The following OSBPL5 variants were observed in gnomAD, a reference collection of about 807,000 sequenced individuals.
OSBPL5 encodes oxysterol binding protein like 5, also known as oxysterol-binding protein-related protein 5.
OSBPL5 carries 71 observed loss-of-function variants against 111.2 expected under a neutral mutation model. The observed-to-expected ratio is 0.64, with a 90% CI of 0.53 to 0.78. OSBPL5 has a LOEUF of 0.78. Among genes scored for constraint, OSBPL5 ranks in the 30% least tolerant of loss-of-function variants. The pLI is 0.00. For synonymous variants in OSBPL5, 549 were observed against 513.9 expected (o/e 1.07, Z -0.93); for missense variants, 1,210 against 1,189.3 (o/e 1.02, Z -0.26).
rs558977841 is a variant in OSBPL5, at chr11:3,092,628, T to C, written c.2133-70A>G. 3 of 1,478,120 alleles carry C rather than the reference T, an allele frequency of 2.0e-6. No homozygotes were observed. Among genetic ancestry groups the C allele is most frequent in the Non-Finnish European group, 2.7e-6 (3 of 1,103,738 alleles). The allele number at this position is 1,478,120 out of a possible 1,614,324, so 91.6% of individuals were successfully genotyped here. A position where few individuals can be genotyped will look rare whatever the true frequency, so the allele number is the denominator to read the frequency against. On this transcript the variant is annotated intron_variant, in intron 18 of 21. Coordinates refer to ENST00000263650, the MANE Select transcript of OSBPL5 (RefSeq NM_020896.4). The surrounding 1 kb of genome is among the most constrained non-coding windows in gnomAD (Gnocchi z 5.4). ...AGGTGAGGGGGCTGTCCTGGCCCAG[T>C]CTTCAGCCCCCCAACAGTGGCCAGA...
intron 1 of OSBPL5, among the ~76,000 whole-genome samples, chr11:3,132,138 C>T (rs1845831826): frequency 6.6e-6 from 1 of 151,990 alleles, no homozygotes; most frequent in Admixed American, 6.6e-5. Flanking sequence ...TTCCCATTCA[C>T]CTCACACTCA....
intron 1 of OSBPL5, among the ~76,000 whole-genome samples, chr11:3,132,279 C>T (rs1845834675): frequency 6.6e-6 from 1 of 152,038 alleles, no homozygotes; most frequent in African/African-American, 2.4e-5. Flanking sequence ...GACCAGTGTC[C>T]AGTGCCCCGG....
intron 1 of OSBPL5, among the ~76,000 whole-genome samples, chr11:3,133,279 G>C (rs1279749246): frequency 6.6e-6 from 1 of 152,252 alleles, no homozygotes; most frequent in Non-Finnish European, 1.5e-5. Context: ...CACAGCCCCT[G>C]ATGGGAACCC....
At chr11:3,094,834 T>C (rs10160821) in intron 14 of OSBPL5, 3,469 of 153,528 alleles carry the variant, frequency 0.023, 143 homozygotes, top group African/African-American at 0.079. Flanking sequence ...GCACCCATGA[T>C]GGCATCCCGT....
chr11:3,151,123 G>A (rs192419355), intron 1 of OSBPL5, among the ~76,000 whole-genome samples: 25 of 152,280 alleles, frequency 1.6e-4, no homozygotes, highest in African/African-American at 5.3e-4. Context: ...AGACAGAGGC[G>A]GAGATCGGAG....
chr11:3,153,178 AGCCCCAGT>A (rs1846645439), intron 1 of OSBPL5, among the ~76,000 whole-genome samples: 1 of 152,118 alleles, frequency 6.6e-6, no homozygotes, highest in Non-Finnish European at 1.5e-5. Flanking sequence ...CACCTCTCCG[AGCCCCAGT>A]GTCCCCACCT....
intron 1 of OSBPL5, among the ~76,000 whole-genome samples, chr11:3,149,007 T>C (rs777660110): frequency 2.0e-5 from 3 of 152,174 alleles, no homozygotes; most frequent in Non-Finnish European, 4.4e-5. Context: ...CCAGAGAGCA[T>C]GGACCCCCAG....
rs565150574 is a variant in OSBPL5 at position 3,154,210 on chromosome 11, GC to G, written c.-22+11005del. Among the ~76,000 whole-genome samples, 97 of 152,370 alleles carry G rather than the reference GC, an allele frequency of 6.4e-4. No individual in the cohort carries two copies. Among genetic ancestry groups the G allele is most frequent in the African/African-American group, 2.3e-3 (94 of 41,590 alleles). ...GTGAAGGGGCGGCTGACACACTCCA[GC>G]CCACAGATCCTGGCCCAGGATGCTG... On this transcript the variant is annotated intron_variant, in intron 1 of 21. Coordinates refer to ENST00000263650, the MANE Select transcript of OSBPL5 (RefSeq NM_020896.4). The surrounding 1 kb of genome is among the most constrained non-coding windows in gnomAD (Gnocchi z 4.9).
chr11:3,100,775 T>C (rs569211475), intron 13 of OSBPL5, among the ~76,000 whole-genome samples: 3 of 152,050 alleles, frequency 2.0e-5, no homozygotes, highest in South Asian at 4.2e-4. Context: ...ATGAAACTGA[T>C]GAAAAAGGTA....
chr11:3,114,854 G>A (rs1357582513), intron 7 of OSBPL5, among the ~76,000 whole-genome samples: 1 of 151,850 alleles, frequency 6.6e-6, no homozygotes, highest in Non-Finnish European at 1.5e-5. Context: ...TCCTGCCTCG[G>A]CCTCCCAAAA....
At chr11:3,135,121 A>C (rs975300381) in intron 1 of OSBPL5, among the ~76,000 whole-genome samples, 12 of 152,142 alleles carry the variant, frequency 7.9e-5, no homozygotes, top group African/African-American at 2.9e-4. Context: ...GGAGCAGCTG[A>C]CCGCCCCCGT....
intron 6 of OSBPL5, 187 bp from the exon 7 acceptor site, chr11:3,119,818 G>T (rs1858340988): frequency 1.8e-6 from 1 of 542,604 alleles, no homozygotes; most frequent in East Asian, 3.4e-5. Flanking sequence ...GGTAGGTGGG[G>T]GAGCTCTGTC....
At position 3,154,433 on chromosome 11, in the gene OSBPL5, G is replaced by A. The variant is rs999867987; in HGVS notation, c.-22+10783C>T. ...GAAGGGTGAGCATGCGCCTGCTGAC[G>A]CTTCGTTCACCAAGCGGGGGGCCTC... On this transcript the variant is annotated intron_variant, in intron 1 of 21. Transcript: ENST00000263650. This position sits in a 1 kb window ranked among gnomAD's most constrained non-coding sequence, Gnocchi z 4.9. Among the ~76,000 whole-genome samples, 10 of 152,248 alleles carry A rather than the reference G, an allele frequency of 6.6e-5. No individual in the cohort carries two copies. The highest frequency in any genetic ancestry group is 1.9e-4 in the East Asian group (1 of 5,188).
At chr11:3,155,739 A>G (rs1448628301) in intron 1 of OSBPL5, among the ~76,000 whole-genome samples, 1 of 152,240 alleles carries the variant, frequency 6.6e-6, no homozygotes, top group Admixed American at 6.5e-5. Flanking sequence ...CTACGCCGAC[A>G]GTTCACTTCC....
chr11:3,102,314 G>A, intron 11 of OSBPL5, 33 bp from the exon 12 acceptor site: 1 of 1,562,452 alleles, frequency 6.4e-7, no homozygotes. Flanking sequence ...TGAGGAGCCA[G>A]GTGGGTAAGA....
intron 11 of OSBPL5, among the ~76,000 whole-genome samples, chr11:3,103,030 G>A (rs1264129133): frequency 6.6e-6 from 1 of 152,178 alleles, no homozygotes; most frequent in Non-Finnish European, 1.5e-5. Flanking sequence ...TGGGGACCCG[G>A]CCTGAGCCAT....
rs181820508 is a variant in OSBPL5 at position 3,091,523 on chromosome 11, T to C, written c.2260-827A>G. Among the ~76,000 whole-genome samples, 961 of 150,610 alleles carry C rather than the reference T, an allele frequency of 6.4e-3. 10 individuals are homozygous for C. Among genetic ancestry groups the C allele is most frequent in the African/African-American group, 0.022 (917 of 40,880 alleles). On this transcript the variant is annotated intron_variant, in intron 19 of 21. Transcript: ENST00000263650. ...CGGGGTGGGAGGCTGCAGAGGGCATTGGGGGTGGACATCTGCTGGAGATTG... is the reference window on the plus strand; with the variant it reads ...CGGGGTGGGAGGCTGCAGAGGGCATCGGGGGTGGACATCTGCTGGAGATTG...
intron 1 of OSBPL5, among the ~76,000 whole-genome samples, chr11:3,150,368 AG>A (rs1285881414): frequency 1.3e-5 from 2 of 152,092 alleles, no homozygotes; most frequent in Non-Finnish European, 2.9e-5. Flanking sequence ...GGCCTGTCCC[AG>A]GTTGTCTTCC....
In OSBPL5 at chr11:3,162,130, T is replaced by C. The variant is rs1590743159; in HGVS notation, c.-22+3086A>G. Among the ~76,000 whole-genome samples the C allele has an allele frequency of 6.6e-6, 1 of 152,292 alleles. No homozygotes were observed. Among genetic ancestry groups the C allele is most frequent in the East Asian group, 1.9e-4 (1 of 5,182 alleles). ...GTCAAATTACATGAAGTGGTTTATC[T>C]TTTTAAACACCATGCTGGCTGCTGG... On this transcript the variant is annotated intron_variant, in intron 1 of 21. Transcript: ENST00000263650. This position sits in a 1 kb window ranked among gnomAD's most constrained non-coding sequence, Gnocchi z 8.1.
Sources: gnomAD v4.1 joint callset for allele counts (sites outside exome capture counted in the v4.1 genomes callset) on GRCh38, gnomAD v4.1.1 for gene constraint, Gnocchi (gnomAD v3.1) non-coding constraint, MANE v1.5 for transcripts, NCBI Gene and HGNC (gene_info 2026-07-23, HGNC 2026-07-21) for gene names.